RGS3: variants seen among roughly 807,000 people sequenced by gnomAD.
RGS3 encodes regulator of G-protein signalling 3.
RGS3 carries 80 observed loss-of-function variants against 132.6 expected under a neutral mutation model. That is an observed-to-expected ratio of 0.60 (90% CI 0.50 to 0.73). The LOEUF is 0.73. Among genes scored for constraint, RGS3 ranks in the 30% least tolerant of loss-of-function variants. The pLI is 0.00. For synonymous variants in RGS3, 598 were observed against 620.6 expected, an observed-to-expected ratio of 0.96 and a Z score of 0.54; for missense variants, 1,382 against 1,530.8, an observed-to-expected ratio of 0.90 and a Z score of 1.62.
chr9:113,576,337 C>CTTTTT, intron 19 of RGS3, among the ~76,000 whole-genome samples: 1 of 142,404 alleles, frequency 7.0e-6, no homozygotes, highest in Non-Finnish European at 1.5e-5. Flanking sequence ...ATTGTTCTTT[C>CTTTTT]TTTTTTTTTT....
chr9:113,464,628 G>A (rs1040061701), intron 3 of RGS3, among the ~76,000 whole-genome samples: 1 of 152,196 alleles, frequency 6.6e-6, no homozygotes, highest in South Asian at 2.1e-4. Context: ...TGTGGAGAGG[G>A]GTTATTTTTC....
intron 15 of RGS3, among the ~76,000 whole-genome samples, chr9:113,516,919 A>G (rs1216227228): frequency 6.6e-6 from 1 of 152,228 alleles, no homozygotes; most frequent in Admixed American, 6.5e-5. Flanking sequence ...TATTAGAAAT[A>G]TACAGTCATA....
intron 1 of RGS3, among the ~76,000 whole-genome samples, chr9:113,445,522 C>T (rs1031200067): frequency 2.6e-5 from 4 of 152,074 alleles, no homozygotes; most frequent in African/African-American, 9.7e-5. Context: ...TTTCTAAGCA[C>T]ACTTCCTAGT....
intron 16 of RGS3, among the ~76,000 whole-genome samples, chr9:113,520,542 GTTTT>G (rs768805637): frequency 2.4e-5 from 3 of 127,428 alleles, no homozygotes; most frequent in Non-Finnish European, 3.4e-5. Flanking sequence ...GGCCTGGGCT[GTTTT>G]TTTTTTTTTT....
At chr9:113,465,610 T>G (rs954164731) in intron 3 of RGS3, among the ~76,000 whole-genome samples, 1 of 152,148 alleles carries the variant, frequency 6.6e-6, no homozygotes, top group Non-Finnish European at 1.5e-5. Context: ...TGTTCTTCTA[T>G]TAGATTAATC....
intron 3 of RGS3, among the ~76,000 whole-genome samples, chr9:113,467,502 T>A (rs994431178): frequency 8.5e-5 from 13 of 152,364 alleles, no homozygotes; most frequent in Admixed American, 7.2e-4. Context: ...CATTTTTTCA[T>A]GTGCTCATTA....
chr9:113,581,238 C>T (rs1158614254), intron 19 of RGS3: 1 of 154,008 alleles, frequency 6.5e-6, no homozygotes, highest in Non-Finnish European at 1.4e-5. Context: ...CCAGCCTAGC[C>T]CCTAATTTGT....
intron 10 of RGS3, 128 bp from the exon 9 acceptor site, chr9:113,505,314 C>T: frequency 1.3e-6 from 1 of 759,422 alleles, no homozygotes; most frequent in Non-Finnish European, 2.3e-6. Context: ...TGGCTAGCTC[C>T]TTTGTGCCTC....
At chr9:113,482,717 C>T (rs2119222171) in intron 4 of RGS3, among the ~76,000 whole-genome samples, 1 of 152,226 alleles carries the variant, frequency 6.6e-6, no homozygotes, top group East Asian at 1.9e-4. Context: ...CTCGAAGCCT[C>T]ATTTTCCCCA....
At chr9:113,596,783 T>C in exon 25 of RGS3, 1 of 1,611,362 alleles carries the variant, frequency 6.2e-7, no homozygotes, top group Admixed American at 1.7e-5. Context: ...CCTGGACTCC[T>C]ACACGCGGGA....
intron 20 of RGS3, chr9:113,589,942 A>G (rs1415486313): frequency 2.0e-5 from 3 of 152,220 alleles, no homozygotes; most frequent in African/African-American, 7.2e-5. Context: ...GGTTCCAAAC[A>G]CTTGCTCTGA....
chr9:113,461,820 G>A, exon 2 of RGS3: 3 of 1,614,158 alleles, frequency 1.9e-6, no homozygotes, highest in South Asian at 1.1e-5. Flanking sequence ...CTCCCCTTTG[G>A]GAGGAGGCTC....
intron 15 of RGS3, among the ~76,000 whole-genome samples, chr9:113,516,062 T>C (rs1831643044): frequency 6.6e-6 from 1 of 152,242 alleles, no homozygotes; most frequent in South Asian, 2.1e-4. Flanking sequence ...TATTGACAAA[T>C]TGCTTTGCAG....
At chr9:113,528,838 A>C (rs1832334443) in intron 17 of RGS3, among the ~76,000 whole-genome samples, 1 of 152,226 alleles carries the variant, frequency 6.6e-6, no homozygotes, top group Admixed American at 6.5e-5. Context: ...TGGAGCATTT[A>C]AAGGAAAATC....
At chr9:113,548,465 C>CT (rs1833203190) in intron 19 of RGS3, among the ~76,000 whole-genome samples, 1 of 152,178 alleles carries the variant, frequency 6.6e-6, no homozygotes, top group Non-Finnish European at 1.5e-5. Flanking sequence ...TTACCTGCAG[C>CT]TAGGAGCATG....
At chr9:113,560,379 C>A (rs1480491774) in intron 19 of RGS3, among the ~76,000 whole-genome samples, 1 of 152,174 alleles carries the variant, frequency 6.6e-6, no homozygotes, top group East Asian at 1.9e-4. Context: ...TGCCCCAGAA[C>A]AAGGCCCGTG....
At chr9:113,517,579 G>C (rs774424833) in exon 16 of RGS3, 1 of 1,613,604 alleles carries the variant, frequency 6.2e-7, no homozygotes, top group Non-Finnish European at 8.5e-7. Flanking sequence ...CCCTCCTGCT[G>C]TCAGAGGAGC....
At chr9:113,485,167 A>G (rs1830291220) in intron 6 of RGS3, among the ~76,000 whole-genome samples, 2 of 151,844 alleles carry the variant, frequency 1.3e-5, no homozygotes, top group Admixed American at 6.6e-5. Flanking sequence ...GGCTCACTGT[A>G]AGCTCCGCCT....
rs1829519394 is a variant in RGS3 at position 113,463,307 on chromosome 9, C to A, written c.415+1106C>A. On this transcript the variant is annotated intron_variant, in intron 3 of 24. Transcript: ENST00000350696. This position sits in a 1 kb window ranked among gnomAD's most constrained non-coding sequence, Gnocchi z 4.6. ...GAGAACACTTTTCCAAACCTCACTG[C>A]CCTGGGCCATCGGGTGCTCCTTTGC... 6.6e-6 allele frequency among the ~76,000 whole-genome samples: 1 copy of A among 152,220 alleles called. No homozygotes were observed. The highest frequency in any genetic ancestry group is 2.4e-5 in the African/African-American group (1 of 41,458).
Sources: gnomAD v4.1 joint callset for allele counts (sites outside exome capture counted in the v4.1 genomes callset) on GRCh38, gnomAD v4.1.1 for gene constraint, Gnocchi (gnomAD v3.1) non-coding constraint, MANE v1.5 for transcripts, NCBI Gene and HGNC (gene_info 2026-07-23, HGNC 2026-07-21) for gene names.